The following LTN1 variants were observed in gnomAD, a reference collection of about 807,000 sequenced individuals.
LTN1 encodes the protein listerin E3 ubiquitin protein ligase 1.
A neutral mutation model predicts 201.2 loss-of-function variants in LTN1; 88 were observed. The observed-to-expected ratio is 0.44, with a 90% CI of 0.37 to 0.52. The LOEUF is 0.52. LTN1 is among the 20% of genes least tolerant of loss of function. LTN1 has a pLI of 0.00. For synonymous variants in LTN1, 645 were observed against 713.5 expected (o/e 0.90, Z 1.53); for missense variants, 1,752 against 2,038.7 (o/e 0.86, Z 2.71).
intron 25 of LTN1, among the ~76,000 whole-genome samples, chr21:28,939,084 A>C (rs1222076387): frequency 6.6e-6 from 1 of 152,216 alleles, no homozygotes; most frequent in Non-Finnish European, 1.5e-5. Flanking sequence ...GGGGCAAAAA[A>C]AGTGATTTAA....
chr21:28,948,279 T>C (rs1261239776), intron 18 of LTN1, among the ~76,000 whole-genome samples: 1 of 148,528 alleles, frequency 6.7e-6, no homozygotes, highest in African/African-American at 2.5e-5. Context: ...TCTTTTTTTT[T>C]TTTTTTTTGA....
chr21:28,956,292 T>G (rs573815431), intron 16 of LTN1, among the ~76,000 whole-genome samples: 39 of 152,312 alleles, frequency 2.6e-4, no homozygotes, highest in Admixed American at 8.5e-4. Context: ...AAAGAAATGA[T>G]AAATGTTTGA....
chr21:28,956,310 G>A (rs1226698857), intron 16 of LTN1, among the ~76,000 whole-genome samples: 1 of 152,118 alleles, frequency 6.6e-6, no homozygotes, highest in Non-Finnish European at 1.5e-5. Context: ...TGAGGTGATG[G>A]ATATCCTGCT....
intron 6 of LTN1, among the ~76,000 whole-genome samples, chr21:28,972,830 C>G (rs2146305472): frequency 6.6e-6 from 1 of 152,188 alleles, no homozygotes; most frequent in Non-Finnish European, 1.5e-5. Flanking sequence ...AAATCCCAAG[C>G]AGGATACATA....
At position 28,966,972 on chromosome 21, in the gene LTN1, C is replaced by G. The variant is rs752810563; in HGVS notation, c.1519G>C (p.Ala507Pro). 3.1e-5 allele frequency: 50 copies of G among 1,613,942 alleles called. No individual in the cohort carries two copies. Among genetic ancestry groups the G allele is most frequent in the South Asian group, 2.1e-4 (19 of 91,070 alleles). The change falls in exon 10 of 30, where the codon GCT (alanine) becomes CCT (proline). Residue 507 changes from alanine to proline, a missense_variant. Coordinates refer to ENST00000361371, the MANE Select transcript of LTN1 (RefSeq NM_015565.3). ...ICVAKISEPE[A>P]DVESVLGVSN... Reference sequence around the variant, plus strand: ...ACACCCAAAACGGACTCAACATCAGCTTCTGGCTCACTGATTTTCGCAACA... The same window carrying G: ...ACACCCAAAACGGACTCAACATCAGGTTCTGGCTCACTGATTTTCGCAACA...
Position 28,992,796 on chromosome 21 carries a change from T to C in LTN1, c.10A>G (p.Lys4Glu). ...TTCCCTTTAGTTCGCTGCTTGTTCT[T>C]CCCGCCCATGGTCGCGGTTGCAGCT... MGG[K>E]NKQRTKGNLR... The change falls in exon 1 of 30, where the codon AAG (lysine) becomes GAG (glutamate). Residue 4 changes from lysine (K) to glutamate (E), a missense_variant. By Grantham distance (56) the Lys-to-Glu change is moderately conservative. Around this residue, in one of 3 missense-constraint regions of LTN1, gnomAD observed 280 missense variants for 375.7 expected, o/e 0.75. Transcript: ENST00000361371. 1 of 1,614,206 alleles carries C rather than the reference T, an allele frequency of 6.2e-7. No homozygotes were observed. Among genetic ancestry groups the C allele is most frequent in the African/African-American group, 1.3e-5 (1 of 75,054 alleles).
chr21:28,956,757 C>G lies in LTN1; in HGVS notation c.3079+5G>C, dbSNP rs768709220. 6.5e-7 allele frequency: 1 copy of G among 1,530,810 alleles called. No individual in the cohort carries two copies. Among genetic ancestry groups the G allele is most frequent in the Non-Finnish European group, 8.9e-7 (1 of 1,117,842 alleles). The allele number at this position is 1,530,810 out of a possible 1,614,324, so 94.8% of individuals were successfully genotyped here. ...TGTTATATGTAAATACTCATATATA[C>G]TTACTTATTTTCTCAAGCTCATTAT... On this transcript the variant is annotated splice_donor_5th_base_variant and intron_variant, in intron 16 of 29. Transcript: ENST00000361371.
chr21:28,933,582 G>A (rs991930667), intron 27 of LTN1, among the ~76,000 whole-genome samples: 1 of 151,988 alleles, frequency 6.6e-6, no homozygotes, highest in African/African-American at 2.4e-5. Context: ...TTGGGTTGGA[G>A]TACTGCATTA....
rs746484953 is a variant in LTN1 at position 28,960,550 on chromosome 21, G to C, written c.2320C>G (p.Leu774Val). ...ESHFSERWTL[L>V]SLVLSQHVKN... ...ACATGTTGGGATAATACCAAGCTTA[G>C]AAGAGTCCATCTTTCTGAGAAGTGA... The change falls in exon 12 of 30, where the codon CTA becomes GTA. Residue 774 changes from leucine (L) to valine (V), a missense_variant. Coordinates refer to ENST00000361371, the MANE Select transcript of LTN1 (RefSeq NM_015565.3). 5 of 1,613,800 alleles carry C rather than the reference G, an allele frequency of 3.1e-6. No homozygotes were observed. The East Asian group carries it at 6.7e-5, about 22-fold the overall frequency.
At chr21:28,973,358 A>C (rs908814042) in intron 6 of LTN1, among the ~76,000 whole-genome samples, 2 of 151,368 alleles carry the variant, frequency 1.3e-5, no homozygotes, top group African/African-American at 4.8e-5. Context: ...AAAAAAAAAA[A>C]AAAAAAAAAA....
Position 28,957,417 on chromosome 21 carries a change from T to C in LTN1, c.2807A>G (p.Asp936Gly), listed in dbSNP as rs999025668. The C allele has an allele frequency of 6.2e-6, 10 of 1,606,362 alleles. No individual in the cohort carries two copies. Among genetic ancestry groups the C allele is most frequent in the Non-Finnish European group, 8.5e-6 (10 of 1,177,550 alleles). Residue 936 changes from aspartate (D) to glycine (G), a missense_variant, in exon 15 of 30, where the codon GAT (aspartate) becomes GGT (glycine). Asp to Gly is a moderately conservative substitution (Grantham distance 94). Around this residue, in one of 3 missense-constraint regions of LTN1, gnomAD observed 1,211 missense variants for 1,312.8 expected, o/e 0.92. Transcript: ENST00000361371. ...AATATAAACTCCCATAAGATAAGAA[T>C]CTTCACTCTCTAGAAGTGTATTTAG... ...DLLNTLLESE[D>G]SYLMGVYIGS...
chr21:28,934,163 G>A (rs887896253), intron 27 of LTN1, among the ~76,000 whole-genome samples: 8 of 152,056 alleles, frequency 5.3e-5, no homozygotes, highest in African/African-American at 2.4e-5. Context: ...TATCAGTCTC[G>A]CTCTTTTCCC....
rs1283395840 is a variant in LTN1 at position 28,935,278 on chromosome 21, T to TGATA, written c.4702_4705dup (p.His1569LeufsTer13). On this transcript the variant is annotated frameshift_variant, in exon 27 of 30. Transcript: ENST00000361371. LOFTEE classifies it high-confidence loss of function. Reference sequence around the variant, plus strand: ...GGCAGGCAAGTCTTTTAATGTCATATGATAGACTGAACAAGCCAAGTGTGG... The same window carrying TGATA: ...GGCAGGCAAGTCTTTTAATGTCATATGATAGATAGACTGAACAAGCCAAGTGTGG... 9 of 1,614,142 alleles carry TGATA rather than the reference T, an allele frequency of 5.6e-6. No individual in the cohort carries two copies.
At chr21:28,956,107 G>A (rs2146284880) in intron 16 of LTN1, among the ~76,000 whole-genome samples, 1 of 152,132 alleles carries the variant, frequency 6.6e-6, no homozygotes, top group Admixed American at 6.5e-5. Context: ...TAGACTGATG[G>A]TTACCCTGAG....
rs553581077 is a variant in LTN1 at position 28,986,655 on chromosome 21, C to T, written c.246+76G>A. ...GCAATAAATTGTTCATTTTTCTTTA[C>T]ATAAAACATGCTAATGACATTTTAT... On this transcript the variant is annotated intron_variant, in intron 2 of 29. Transcript: ENST00000361371. The surrounding 1 kb of genome is among the most constrained non-coding windows in gnomAD (Gnocchi z 4.1). 160 of 1,139,676 alleles carry T rather than the reference C, an allele frequency of 1.4e-4. 1 individual carries two copies. The African/African-American group carries it at 2.2e-3, about 16-fold the overall frequency. The allele number at this position is 1,139,676 out of a possible 1,614,324, so 70.6% of individuals were successfully genotyped here. A position where few individuals can be genotyped will look rare whatever the true frequency, so the allele number is the denominator to read the frequency against.
chr21:28,977,767 A>C (rs1568855514), intron 6 of LTN1, among the ~76,000 whole-genome samples: 1 of 151,990 alleles, frequency 6.6e-6, no homozygotes, highest in Non-Finnish European at 1.5e-5. Flanking sequence ...TCTCTACTAA[A>C]AAATACAAAA....
intron 1 of LTN1, among the ~76,000 whole-genome samples, chr21:28,991,430 A>G (rs2084744972): frequency 6.6e-6 from 1 of 152,242 alleles, no homozygotes; most frequent in African/African-American, 2.4e-5. Context: ...GCTGCAGGCT[A>G]GAAAATGGCA....
At chr21:28,992,219 G>A (rs2084752126) in intron 1 of LTN1, among the ~76,000 whole-genome samples, 1 of 152,076 alleles carries the variant, frequency 6.6e-6, no homozygotes, top group Non-Finnish European at 1.5e-5. Context: ...AAGGCACAGT[G>A]AAGAGATCAG....
In LTN1 at chr21:28,943,515, TA is replaced by T. The variant is rs1287854395; in HGVS notation, c.4220+151del. Reference sequence around the variant, plus strand: ...AAATTGTGTATAGAGAACAATAACCTAAAAGATGAGGCAACTTAGGGTCCCT... The same window carrying T: ...AAATTGTGTATAGAGAACAATAACCTAAAGATGAGGCAACTTAGGGTCCCT... On this transcript the variant is annotated intron_variant, in intron 23 of 29. Coordinates refer to ENST00000361371, the MANE Select transcript of LTN1 (RefSeq NM_015565.3). The T allele has an allele frequency of 4.3e-6, 3 of 700,690 alleles. No homozygotes were observed. In the African/African-American group the frequency reaches 5.4e-5, roughly 13 times the overall value. 43.4% of individuals were successfully genotyped at this position (700,690 alleles called of 1,614,324 possible).
Sources: allele counts gnomAD v4.1 joint callset (sites outside exome capture counted in the v4.1 genomes callset), GRCh38; gene constraint gnomAD v4.1.1; regional missense constraint gnomAD v4.1.1; non-coding constraint Gnocchi (gnomAD v3.1); transcripts MANE v1.5; gene names NCBI Gene and HGNC (gene_info 2026-07-23, HGNC 2026-07-21).